TMCC1: variants seen among roughly 807,000 people sequenced by gnomAD.
TMCC1 encodes transmembrane and coiled-coil domains protein 1.
A neutral mutation model predicts 52.4 loss-of-function variants in TMCC1; 15 were observed. The observed-to-expected ratio is 0.29, with a 90% CI of 0.19 to 0.44. TMCC1 has a LOEUF of 0.44. Among genes scored for constraint, TMCC1 ranks in the 20% least tolerant of loss-of-function variants. The pLI, the probability that TMCC1 is intolerant of heterozygous loss-of-function variation, is 1.00. For missense variants in TMCC1, 503 were observed against 806.0 expected, an observed-to-expected ratio of 0.62 and a Z score of 4.55; for synonymous variants, 279 against 301.9, an observed-to-expected ratio of 0.92 and a Z score of 0.79.
intron 4 of TMCC1, chr3:129,794,485 G>A (rs1004782217): frequency 3.6e-5 from 15 of 415,210 alleles, no homozygotes; most frequent in Non-Finnish European, 6.6e-5. Context: ...ATTTCCCTGG[G>A]AGTCTTAGCA....
chr3:129,814,053 A>G (rs2057975122), intron 4 of TMCC1, among the ~76,000 whole-genome samples: 1 of 150,972 alleles, frequency 6.6e-6, no homozygotes, highest in South Asian at 2.1e-4. Context: ...CTATTTATAC[A>G]TTTATTCTCC....
At position 129,715,898 on chromosome 3, in the gene TMCC1, G is replaced by C. The variant is rs145163177; in HGVS notation, c.577-44634C>G. Among the ~76,000 whole-genome samples the C allele has an allele frequency of 2.4e-3, 371 of 152,126 alleles. 4 individuals carry two copies. Among genetic ancestry groups the C allele is most frequent in the Admixed American group, 0.019 (294 of 15,280 alleles). ...TCTGTAACTGAGTACCTCCATCTAA[G>C]AGACAGAATGAGTTATTTTTAAATT... On this transcript the variant is annotated intron_variant, in intron 4 of 6. Transcript: ENST00000393238.
chr3:129,779,624 T>C (rs143929272), intron 4 of TMCC1, among the ~76,000 whole-genome samples: 158 of 152,320 alleles, frequency 1.0e-3, no homozygotes, highest in Middle Eastern at 3.4e-3. Flanking sequence ...CTTTGAATTC[T>C]TTTCAGACCT....
intron 4 of TMCC1, among the ~76,000 whole-genome samples, chr3:129,782,800 T>C (rs1444643193): frequency 6.6e-6 from 1 of 152,196 alleles, no homozygotes; most frequent in Admixed American, 6.5e-5. Context: ...ATTTCCTTTT[T>C]TGTTTTATTT....
chr3:129,750,500 C>T (rs1553854682), intron 4 of TMCC1, among the ~76,000 whole-genome samples: 2 of 150,330 alleles, frequency 1.3e-5, no homozygotes, highest in Non-Finnish European at 3.0e-5. Context: ...CCTTCAAAAT[C>T]TTTAAATATA....
chr3:129,682,610 A>ACT (rs369895045), intron 4 of TMCC1, among the ~76,000 whole-genome samples: 3 of 151,670 alleles, frequency 2.0e-5, no homozygotes, highest in Admixed American at 6.6e-5. Flanking sequence ...TACATAGATG[A>ACT]CTCTCTCTGT....
At chr3:129,778,627 C>A (rs2055236414) in intron 4 of TMCC1, among the ~76,000 whole-genome samples, 1 of 151,760 alleles carries the variant, frequency 6.6e-6, no homozygotes, top group African/African-American at 2.4e-5. Flanking sequence ...AAATTGTAAT[C>A]CCCACATGTT....
At chr3:129,658,824 C>T (rs758383480) in intron 5 of TMCC1, among the ~76,000 whole-genome samples, 8 of 152,096 alleles carry the variant, frequency 5.3e-5, no homozygotes, top group Non-Finnish European at 1.2e-4. Flanking sequence ...TTTGTAACTC[C>T]ACAGAACTAA....
chr3:129,651,239 C>G lies in TMCC1; in HGVS notation c.*242G>C. Reference sequence around the variant, plus strand: ...TAAAGGACTGTTTTAAGATTTGCATCCCAAGGAAAATCATGCTACATAAAA... The same window carrying G: ...TAAAGGACTGTTTTAAGATTTGCATGCCAAGGAAAATCATGCTACATAAAA... On this transcript the variant is annotated 3_prime_UTR_variant, in exon 7 of 7. Transcript: ENST00000393238. This position sits in a 1 kb window ranked among gnomAD's most constrained non-coding sequence, Gnocchi z 5.1. The G allele has an allele frequency of 2.0e-6, 1 of 505,400 alleles. No homozygotes were observed. The allele number at this position is 505,400 out of a possible 1,614,324, so 31.3% of individuals were successfully genotyped here.
chr3:129,704,066 T>C (rs550864253), intron 4 of TMCC1, among the ~76,000 whole-genome samples: 1 of 152,240 alleles, frequency 6.6e-6, no homozygotes, highest in Admixed American at 6.5e-5. Flanking sequence ...ACCAGTAAGA[T>C]TTGTTGATTG....
chr3:129,881,553 C>G (rs959367797), intron 1 of TMCC1, among the ~76,000 whole-genome samples: 2 of 151,958 alleles, frequency 1.3e-5, no homozygotes, highest in Non-Finnish European at 2.9e-5. Flanking sequence ...GACATGAAAA[C>G]AAAGGGACAT....
At chr3:129,875,154 T>C (rs1008533083) in intron 2 of TMCC1, among the ~76,000 whole-genome samples, 3 of 150,904 alleles carry the variant, frequency 2.0e-5, no homozygotes, top group African/African-American at 7.3e-5. Context: ...CAGTAGTTCA[T>C]CTAGCCTGAG....
intron 4 of TMCC1, among the ~76,000 whole-genome samples, chr3:129,699,670 T>A (rs977130035): frequency 6.6e-6 from 1 of 152,232 alleles, no homozygotes; most frequent in Non-Finnish European, 1.5e-5. Context: ...GGGGTCTGGA[T>A]TGGGACCCCT....
intron 4 of TMCC1, among the ~76,000 whole-genome samples, chr3:129,812,058 A>C (rs1375112692): frequency 6.8e-6 from 1 of 147,858 alleles, no homozygotes; most frequent in Admixed American, 6.8e-5. Context: ...ACAATGAGAA[A>C]TGGCTGGGCG....
At chr3:129,802,680 G>T (rs938858998) in intron 4 of TMCC1, among the ~76,000 whole-genome samples, 1 of 152,172 alleles carries the variant, frequency 6.6e-6, no homozygotes, top group Non-Finnish European at 1.5e-5. Flanking sequence ...CAGTATTCCT[G>T]TGAAAGGAGG....
chr3:129,809,246 C>CAAAA (rs11418962), intron 4 of TMCC1, among the ~76,000 whole-genome samples: 2 of 91,356 alleles, frequency 2.2e-5, no homozygotes, highest in Non-Finnish European at 1.9e-5. Context: ...GATTCCATCT[C>CAAAA]AAAAAAAAAA....
intron 4 of TMCC1, among the ~76,000 whole-genome samples, chr3:129,681,905 C>CAA (rs1332029665): frequency 1.4e-5 from 1 of 70,360 alleles, no homozygotes; most frequent in Admixed American, 1.6e-4. Context: ...GACTTCGTCT[C>CAA]AAAAAAAAAA....
intron 4 of TMCC1, among the ~76,000 whole-genome samples, chr3:129,733,579 A>G (rs2050712505): frequency 6.6e-6 from 1 of 152,176 alleles, no homozygotes; most frequent in African/African-American, 2.4e-5. Flanking sequence ...CATTGGAGGA[A>G]AAGGGAACAA....
chr3:129,667,419 C>G (rs1336451331), intron 5 of TMCC1, among the ~76,000 whole-genome samples: 1 of 151,932 alleles, frequency 6.6e-6, no homozygotes, highest in Non-Finnish European at 1.5e-5. Context: ...CTTTTCCACT[C>G]CCTTTTTTGG....
Sources: allele counts gnomAD v4.1 joint callset (sites outside exome capture counted in the v4.1 genomes callset), GRCh38; gene constraint gnomAD v4.1.1; non-coding constraint Gnocchi (gnomAD v3.1); transcripts MANE v1.5; gene names NCBI Gene and HGNC (gene_info 2026-07-23, HGNC 2026-07-21).